Variants in QTRT2 observed in about 807,000 individuals in gnomAD.
The protein encoded by QTRT2 is queuine tRNA-ribosyltransferase domain containing 1.
A neutral mutation model predicts 44.8 loss-of-function variants in QTRT2; 32 were observed. That is an observed-to-expected ratio of 0.71 (90% CI 0.54 to 0.96). The LOEUF is 0.96. Ranked by LOEUF, QTRT2 falls within the 40% of genes least tolerant of loss-of-function variation. The pLI, the probability that QTRT2 is intolerant of heterozygous loss-of-function variation, is 0.00. For synonymous variants in QTRT2, 182 were observed against 187.4 expected, an observed-to-expected ratio of 0.97 and a Z score of 0.24; for missense variants, 461 against 503.1, an observed-to-expected ratio of 0.92 and a Z score of 0.80.
At position 114,087,276 on chromosome 3, in the gene QTRT2, T is replaced by C. The variant is rs1258803758; in HGVS notation, c.*1372T>C. The C allele has an allele frequency of 6.6e-6, 1 of 152,224 alleles. No homozygotes were observed. Among genetic ancestry groups the C allele is most frequent in the Non-Finnish European group, 1.5e-5 (1 of 68,046 alleles). The allele number at this position is 152,224 out of a possible 1,614,324, so 9.4% of individuals were successfully genotyped here. Reference sequence around the variant, plus strand: ...CATTACTTAACATTGTTTCTAATTATTTTGTGGCTGCTGTATGTTTTATGT... The same window carrying C: ...CATTACTTAACATTGTTTCTAATTACTTTGTGGCTGCTGTATGTTTTATGT... On this transcript the variant is annotated 3_prime_UTR_variant, in exon 10 of 10. Coordinates refer to ENST00000281273, the MANE Select transcript of QTRT2 (RefSeq NM_024638.4).
chr3:114,074,703 C>T (rs1386005163), intron 6 of QTRT2, among the ~76,000 whole-genome samples: 5 of 152,130 alleles, frequency 3.3e-5, no homozygotes, highest in Non-Finnish European at 7.3e-5. Flanking sequence ...ACTGGAGAGC[C>T]ATTGTTGATT....
rs188618160 is a variant in QTRT2 at position 114,066,171 on chromosome 3, A to G, written c.201-57A>G. 4 of 1,265,550 alleles carry G rather than the reference A, an allele frequency of 3.2e-6. No individual in the cohort carries two copies. The Admixed American group carries it at 6.9e-5, about 22-fold the overall frequency. The allele number at this position is 1,265,550 out of a possible 1,614,324, so 78.4% of individuals were successfully genotyped here. ...GAGGAGAAGAGGGCTCCAGTTGTAC[A>G]GAGTATTTACAGAATGACACATTAT... On this transcript the variant is annotated intron_variant, in intron 3 of 9. Transcript: ENST00000281273.
chr3:114,084,997 G>A (rs1344819620), intron 9 of QTRT2, among the ~76,000 whole-genome samples: 1 of 152,180 alleles, frequency 6.6e-6, no homozygotes, highest in Non-Finnish European at 1.5e-5. Flanking sequence ...TGGTAAGTGG[G>A]AAGGAAGTGT....
intron 4 of QTRT2, 178 bp downstream of exon 4, chr3:114,066,461 T>C (rs2076955461): frequency 8.9e-6 from 5 of 561,608 alleles, no homozygotes; most frequent in African/African-American, 1.9e-5. Flanking sequence ...CAGTTGCTGC[T>C]CTCATGGAAT....
intron 2 of QTRT2, 56 bp from the exon 3 acceptor site, chr3:114,065,181 C>A: frequency 2.5e-6 from 3 of 1,197,468 alleles, no homozygotes; most frequent in South Asian, 1.4e-5. Flanking sequence ...TTGCAAAATG[C>A]TTGGCCTCTA....
At chr3:114,071,595 G>A (rs535981735) in intron 6 of QTRT2, among the ~76,000 whole-genome samples, 1 of 152,220 alleles carries the variant, frequency 6.6e-6, no homozygotes, top group South Asian at 2.1e-4. Context: ...CACTGTGCCT[G>A]GCTAAGAAAT....
chr3:114,070,893 T>A, intron 6 of QTRT2, 55 bp downstream of exon 6: 1 of 1,388,084 alleles, frequency 7.2e-7, no homozygotes, highest in Non-Finnish European at 1.0e-6. Flanking sequence ...CTCCCTTACA[T>A]TCTGTGATAC....
chr3:114,079,048 T>C (rs1255608810), intron 7 of QTRT2: 1 of 152,048 alleles, frequency 6.6e-6, no homozygotes, highest in East Asian at 1.9e-4. Flanking sequence ...TGAAAAATTA[T>C]AGGCAAAATA....
intron 2 of QTRT2, 76 bp from the exon 3 acceptor site, chr3:114,065,161 T>C: frequency 2.5e-6 from 1 of 399,394 alleles, no homozygotes; most frequent in East Asian, 5.9e-5. Context: ...TTCCTGAAGA[T>C]TTTTTTTTTT....
Position 114,067,973 on chromosome 3 carries a change from T to C in QTRT2, c.257-14T>C. On this transcript the variant is annotated splice_polypyrimidine_tract_variant and intron_variant, in intron 4 of 9. Transcript: ENST00000281273. ...TGTAAGCACTTTCAAGGGTTCTTTT[T>C]TGTGTTTATACAGGCATGCCAGAAT... 1 of 1,613,084 alleles carries C rather than the reference T, an allele frequency of 6.2e-7. No individual in the cohort carries two copies. Among genetic ancestry groups the C allele is most frequent in the Non-Finnish European group, 8.5e-7 (1 of 1,179,190 alleles).
rs2077260268 is a variant in QTRT2, at chr3:114,088,120, A to G, written c.*2216A>G. On this transcript the variant is annotated 3_prime_UTR_variant, in exon 10 of 10. Transcript: ENST00000281273. The stretch of plus-strand genomic sequence containing the variant: ...TTAGATTGGACTTGTTCAAATGTTC[A>G]TATTTTTGTTCTATGCTAAATGCAT... 6.6e-6 allele frequency: 1 copy of G among 152,166 alleles called. No individual in the cohort carries two copies. Among genetic ancestry groups the G allele is most frequent in the Non-Finnish European group, 1.5e-5 (1 of 68,034 alleles). The allele number at this position is 152,166 out of a possible 1,614,324, so 9.4% of individuals were successfully genotyped here.
At chr3:114,076,705 T>A in intron 6 of QTRT2, 38 bp from the exon 7 acceptor site, 1 of 1,597,890 alleles carries the variant, frequency 6.3e-7, no homozygotes, top group Non-Finnish European at 8.6e-7. Flanking sequence ...GGTCTCATAC[T>A]GAAAATGGTT....
At chr3:114,058,796 G>A (rs1319409895) in intron 2 of QTRT2, among the ~76,000 whole-genome samples, 3 of 152,194 alleles carry the variant, frequency 2.0e-5, no homozygotes, top group Non-Finnish European at 4.4e-5. Context: ...CTCCCAGAGT[G>A]CTGGGATTAC....
intron 6 of QTRT2, 37 bp downstream of exon 6, chr3:114,070,875 A>T: frequency 6.5e-6 from 10 of 1,544,804 alleles, no homozygotes; most frequent in Non-Finnish European, 7.1e-6. Context: ...TTCTCTTGAC[A>T]CTCTTGCCTC....
At chr3:114,081,128 A>G (rs1457708156) in intron 8 of QTRT2, among the ~76,000 whole-genome samples, 1 of 152,254 alleles carries the variant, frequency 6.6e-6, no homozygotes, top group African/African-American at 2.4e-5. Context: ...AAAGAACCTG[A>G]TTTGAGTTCT....
chr3:114,057,151 G>A (rs2107778090), intron 2 of QTRT2, 45 bp downstream of exon 2: 2 of 1,074,348 alleles, frequency 1.9e-6, no homozygotes, highest in African/African-American at 3.3e-5. Context: ...CCATGGGAGG[G>A]TGGGACCGTC....
At chr3:114,066,334 T>G (rs900018238) in intron 4 of QTRT2, 51 bp downstream of exon 4, 1 of 1,090,116 alleles carries the variant, frequency 9.2e-7, no homozygotes, top group African/African-American at 1.6e-5. Flanking sequence ...ATTTGGAGTT[T>G]GGAGGTGCTG....
In QTRT2 at chr3:114,086,065, G is replaced by A. The variant is rs2077233547; in HGVS notation, c.*161G>A. 1 of 621,376 alleles carries A rather than the reference G, an allele frequency of 1.6e-6. No individual in the cohort carries two copies. The highest frequency in any genetic ancestry group is 2.8e-6 in the Non-Finnish European group (1 of 358,558). The allele number at this position is 621,376 out of a possible 1,614,324, so 38.5% of individuals were successfully genotyped here. ...TGTACCAAACTGCCCACATGAGGGT[G>A]AAGAGATTTCCTCAAAAGACTTAAA... On this transcript the variant is annotated 3_prime_UTR_variant, in exon 10 of 10. Transcript: ENST00000281273.
At chr3:114,073,813 C>T (rs2077055128) in intron 6 of QTRT2, among the ~76,000 whole-genome samples, 2 of 152,054 alleles carry the variant, frequency 1.3e-5, no homozygotes, top group African/African-American at 4.8e-5. Flanking sequence ...CTTCTTACAC[C>T]CAGGAAAGGG....
Sources: allele counts gnomAD v4.1 joint callset (sites outside exome capture counted in the v4.1 genomes callset), GRCh38; gene constraint gnomAD v4.1.1; transcripts MANE v1.5; gene names NCBI Gene and HGNC (gene_info 2026-07-23, HGNC 2026-07-21).